The following NDUFAF7 variants were observed in gnomAD, a reference collection of about 807,000 sequenced individuals.
NDUFAF7 encodes the protein NADH:ubiquinone oxidoreductase complex assembly factor 7, also known as protein arginine methyltransferase NDUFAF7, mitochondrial.
In NDUFAF7, 48 loss-of-function variants were observed where a neutral mutation model predicts 47.2. The observed-to-expected ratio is 1.02, with a 90% confidence interval of 0.81 to 1.29. The LOEUF is 1.29. NDUFAF7 is among the 50% of genes most tolerant of loss of function. NDUFAF7 has a pLI of 0.00. For synonymous variants in NDUFAF7, 217 were observed against 190.0 expected (o/e 1.14, Z -1.17); for missense variants, 635 against 537.6 (o/e 1.18, Z -1.79).
Position 37,243,863 on chromosome 2 carries a change from A to G in NDUFAF7, c.682A>G (p.Lys228Glu). Residue 228 changes from lysine (K) to glutamate (E), a missense_variant and splice_region_variant, in exon 7 of 10, where the codon AAA (lysine) becomes GAA (glutamate). Lys to Glu is a moderately conservative substitution (Grantham distance 56, BLOSUM62 1). Coordinates refer to ENST00000002125, the MANE Select transcript of NDUFAF7 (RefSeq NM_144736.5). ...TTTTTATGTGTTATTTTGTGTTTAG[A>G]AAACACCACAGGGATGGCGAGAAGT... ...FDVLPVHKFQKTPQGWREVFV... is the reference protein window; with the variant it reads ...FDVLPVHKFQETPQGWREVFV... The G allele has an allele frequency of 6.2e-7, 1 of 1,613,614 alleles. No homozygotes were observed. Among genetic ancestry groups the G allele is most frequent in the Non-Finnish European group, 8.5e-7 (1 of 1,179,652 alleles).
intron 3 of NDUFAF7, among the ~76,000 whole-genome samples, chr2:37,237,032 G>T (rs911019212): frequency 6.6e-6 from 1 of 152,018 alleles, no homozygotes; most frequent in African/African-American, 2.4e-5. Flanking sequence ...GTGTAGTGGC[G>T]CAATCTCGGC....
At chr2:37,260,698 C>T in the NDUFAF7 span, among the ~76,000 whole-genome samples, 1 of 152,132 alleles carries the variant, frequency 6.6e-6, no homozygotes, top group African/African-American at 2.4e-5. Context: ...CATGCTTTCC[C>T]TGAATAGGCA....
chr2:37,258,436 T>C, the NDUFAF7 span, among the ~76,000 whole-genome samples: 46 of 152,318 alleles, frequency 3.0e-4, no homozygotes, highest in Non-Finnish European at 5.3e-4. Flanking sequence ...TGGCAACTGA[T>C]TAAAGAAGTG....
chr2:37,265,083 G>C, the NDUFAF7 span, among the ~76,000 whole-genome samples: 6 of 152,166 alleles, frequency 3.9e-5, no homozygotes, highest in African/African-American at 1.4e-4. Context: ...CGCCTCTAGG[G>C]ATGCAGGTAA....
Position 37,242,684 on chromosome 2 carries a change from T to G in NDUFAF7, c.672T>G (p.His224Gln), listed in dbSNP as rs1393638285. ...AHEFFDVLPVHKFQKTPQGWR... is the reference protein window; with the variant it reads ...AHEFFDVLPVQKFQKTPQGWR... ...AATTTTTTGATGTTCTTCCTGTGCATAAATTTCAGGTATTGAGGGGGGAAA... is the reference window on the plus strand; with the variant it reads ...AATTTTTTGATGTTCTTCCTGTGCAGAAATTTCAGGTATTGAGGGGGGAAA... The change falls in exon 6 of 10, where the codon CAT (histidine) becomes CAG (glutamine). Residue 224 changes from histidine to glutamine, a missense_variant. Transcript: ENST00000002125. 2.5e-6 allele frequency: 4 copies of G among 1,601,314 alleles called. No homozygotes were observed. Among genetic ancestry groups the G allele is most frequent in the Non-Finnish European group, 3.4e-6 (4 of 1,168,648 alleles).
At chr2:37,263,204 C>G in the NDUFAF7 span, among the ~76,000 whole-genome samples, 2 of 152,062 alleles carry the variant, frequency 1.3e-5, no homozygotes, top group Admixed American at 1.3e-4. Context: ...TACAAAGGCG[C>G]TGATATATAT....
downstream of NDUFAF7, among the ~76,000 whole-genome samples, chr2:37,256,153 A>G (rs1238969288): frequency 6.6e-6 from 1 of 152,260 alleles, no homozygotes; most frequent in South Asian, 2.1e-4. Flanking sequence ...GATTGTAGAC[A>G]AGGGAAAAAC....
chr2:37,238,258 C>T (rs193080901), intron 4 of NDUFAF7, among the ~76,000 whole-genome samples: 39 of 152,014 alleles, frequency 2.6e-4, no homozygotes, highest in East Asian at 1.2e-3. Flanking sequence ...AGTGAAACCC[C>T]GTCTCTAGTA....
At chr2:37,268,236 C>G in the NDUFAF7 span, 1 of 450,760 alleles carries the variant, frequency 2.2e-6, no homozygotes, top group Non-Finnish European at 4.6e-6. Flanking sequence ...CTCAATGGCA[C>G]AATCGTAAGT....
intron 4 of NDUFAF7, among the ~76,000 whole-genome samples, chr2:37,240,802 C>T (rs764532552): frequency 8.5e-5 from 13 of 152,066 alleles, no homozygotes; most frequent in Non-Finnish European, 1.8e-4. Flanking sequence ...AGTGTCAGAC[C>T]TGTTTTATTT....
Position 37,246,042 on chromosome 2 carries a change from C to A in NDUFAF7, c.793-10C>A. 6.2e-7 allele frequency: 1 copy of A among 1,613,388 alleles called. No homozygotes were observed. Among genetic ancestry groups the A allele is most frequent in the Non-Finnish European group, 8.5e-7 (1 of 1,179,636 alleles). On this transcript the variant is annotated splice_polypyrimidine_tract_variant and intron_variant, in intron 7 of 9. Coordinates refer to ENST00000002125, the MANE Select transcript of NDUFAF7 (RefSeq NM_144736.5). ...ATGCATTTTGACTCTTGCAATGATC[C>A]CTTTACTAGCATGACGAAACAAGGG...
At chr2:37,256,826 C>T (rs1667992589), downstream of NDUFAF7, 2 of 1,613,806 alleles carry the variant, frequency 1.2e-6, no homozygotes, top group South Asian at 1.1e-5. Flanking sequence ...GTAACCTTTG[C>T]TCCGGAGAAC....
chr2:37,265,884 A>G, the NDUFAF7 span, among the ~76,000 whole-genome samples: 1 of 152,186 alleles, frequency 6.6e-6, no homozygotes, highest in African/African-American at 2.4e-5. Context: ...TCCATAGCTG[A>G]TAAGAGGAAA....
chr2:37,266,212 T>A, the NDUFAF7 span, among the ~76,000 whole-genome samples: 1 of 152,196 alleles, frequency 6.6e-6, no homozygotes, highest in Non-Finnish European at 1.5e-5. Context: ...ACAAGTAACA[T>A]AATAAATGTA....
intron 1 of NDUFAF7, 70 bp from the exon 2 acceptor site, chr2:37,232,036 C>T: frequency 1.2e-6 from 2 of 1,612,232 alleles, no homozygotes; most frequent in Non-Finnish European, 1.7e-6. Flanking sequence ...GTTTTGAAAA[C>T]GCTCAGGCGG....
chr2:37,243,180 G>C (rs1324685454), intron 6 of NDUFAF7, among the ~76,000 whole-genome samples: 1 of 152,090 alleles, frequency 6.6e-6, no homozygotes, highest in Non-Finnish European at 1.5e-5. Context: ...GCCAGGCATG[G>C]TGGCTTACAC....
intron 3 of NDUFAF7, among the ~76,000 whole-genome samples, chr2:37,237,517 G>A (rs1254036616): frequency 6.6e-6 from 1 of 152,032 alleles, no homozygotes; most frequent in Non-Finnish European, 1.5e-5. Flanking sequence ...TATGTCATGG[G>A]ACCTTTTATA....
At chr2:37,233,307 G>A (rs2148381437) in intron 2 of NDUFAF7, among the ~76,000 whole-genome samples, 1 of 152,340 alleles carries the variant, frequency 6.6e-6, no homozygotes, top group East Asian at 1.9e-4. Context: ...TGCAGGTGGA[G>A]ATAGAAAGTA....
intron 4 of NDUFAF7, among the ~76,000 whole-genome samples, chr2:37,240,659 A>T (rs1666251314): frequency 6.6e-6 from 1 of 152,192 alleles, no homozygotes. Flanking sequence ...CTCAAATCAT[A>T]TTCTCTTGTT....
Sources: gnomAD v4.1 joint callset for allele counts (sites outside exome capture counted in the v4.1 genomes callset) on GRCh38, gnomAD v4.1.1 for gene constraint, MANE v1.5 for transcripts, NCBI Gene and HGNC (gene_info 2026-07-23, HGNC 2026-07-21) for gene names.